Variants in VASP observed in about 807,000 individuals in gnomAD.
VASP encodes vasodilator stimulated phosphoprotein.
VASP carries 27 observed loss-of-function variants against 54.4 expected under a neutral mutation model. That is an observed-to-expected ratio of 0.50 (90% CI 0.37 to 0.68). The LOEUF (loss-of-function observed/expected upper bound fraction) is 0.68, where lower values mean the gene tolerates loss of function less well. VASP is among the 30% of genes least tolerant of loss of function. The pLI is 0.00. For missense variants in VASP, 488 were observed against 528.3 expected (o/e 0.92, Z 0.75); for synonymous variants, 233 against 209.8 (o/e 1.11, Z -0.96).
Position 45,522,515 on chromosome 19 carries a change from T to G in VASP, c.654T>G (p.Gly218=), listed in dbSNP as rs533078677. ...TCCCGGCAGCACAGGGCCCTGGTGG[T>G]GGGGGAGCTGGGGCCCCAGGCCTGG... The part of the protein sequence containing the change: ...PPLPAAQGPG[G]GGAGAPGLAA... The change falls in exon 6 of 13, where the codon GGT becomes GGG. Residue 218 remains glycine (G), a synonymous_variant. Transcript: ENST00000245932. The G allele has an allele frequency of 6.9e-7, 1 of 1,455,050 alleles. No individual in the cohort carries two copies. Among genetic ancestry groups the G allele is most frequent in the Non-Finnish European group, 9.0e-7 (1 of 1,108,572 alleles). 90.1% of individuals were successfully genotyped at this position (1,455,050 alleles called of 1,614,324 possible). A position where few individuals can be genotyped will look rare whatever the true frequency, so the allele number is the denominator to read the frequency against.
At position 45,521,419 on chromosome 19, in the gene VASP, C is replaced by A; in HGVS notation, c.428+13C>A. 2 of 1,540,820 alleles carry A rather than the reference C, an allele frequency of 1.3e-6. No homozygotes were observed. The highest frequency in any genetic ancestry group is 1.7e-6 in the Non-Finnish European group (2 of 1,142,966). ...AGCAGCAGAAAAGGTGGGGCTGGGC[C>A]CTGGGTGGGGAACCTTAGCCGCTGC... On this transcript the variant is annotated intron_variant, in intron 4 of 12. Coordinates refer to ENST00000245932, the MANE Select transcript of VASP (RefSeq NM_003370.4).
rs1298168963 is a variant in VASP, at chr19:45,522,540, G to T, written c.679G>T (p.Ala227Ser). 1 of 1,456,188 alleles carries T rather than the reference G, an allele frequency of 6.9e-7. No homozygotes were observed. Among genetic ancestry groups the T allele is most frequent in the South Asian group, 1.4e-5 (1 of 69,112 alleles). The allele number at this position is 1,456,188 out of a possible 1,614,324, so 90.2% of individuals were successfully genotyped here. The change falls in exon 6 of 13, where the codon GCC becomes TCC. Residue 227 changes from alanine to serine, a missense_variant. Physicochemically the swap from Ala to Ser is moderately conservative, Grantham distance 99. Around this residue, in one of 4 missense-constraint regions of VASP, gnomAD observed 226 missense variants for 196.0 expected, o/e 1.15. Transcript: ENST00000245932. ...TGGGGGAGCTGGGGCCCCAGGCCTG[G>T]CCGCAGCTATTGCTGGAGCCAAACT... ...GGGGAGAPGL[A>S]AAIAGAKLRK...
rs973602727 is a variant in VASP, at chr19:45,507,895, C to T, written c.5+119C>T. The stretch of plus-strand genomic sequence containing the variant: ...TTTGGGGACAGATCCTTGGGAGCCT[C>T]GGATTTGAGCTGAATCCCCTTGGAC... On this transcript the variant is annotated intron_variant, in intron 1 of 12. Transcript: ENST00000245932. This position sits in a 1 kb window ranked among gnomAD's most constrained non-coding sequence, Gnocchi z 4.4. 21 of 595,030 alleles carry T rather than the reference C, an allele frequency of 3.5e-5. No individual in the cohort carries two copies. Among genetic ancestry groups the T allele is most frequent in the Non-Finnish European group, 4.8e-5 (18 of 374,004 alleles). 36.9% of individuals were successfully genotyped at this position (595,030 alleles called of 1,614,324 possible). A position where few individuals can be genotyped will look rare whatever the true frequency, so the allele number is the denominator to read the frequency against.
Position 45,517,762 on chromosome 19 carries a change from C to T in VASP, c.105C>T (p.Arg35=), listed in dbSNP as rs750469222. 6.8e-6 allele frequency: 11 copies of T among 1,613,664 alleles called. No individual in the cohort carries two copies. The highest frequency in any genetic ancestry group is 1.6e-4 in the Middle Eastern group (1 of 6,084). The change falls in exon 2 of 13, where the codon CGC becomes CGT. Residue 35 remains arginine (R), a synonymous_variant. Transcript: ENST00000245932. ...GCACGGGTCCCCAGGCCTTCAGCCG[C>T]GTCCAGATCTACCACAACCCCACGG... The part of the protein sequence containing the change: ...PAGTGPQAFS[R]VQIYHNPTAN...
chr19:45,521,448 A>G, intron 4 of VASP, 42 bp downstream of exon 4: 1 of 1,469,046 alleles, frequency 6.8e-7, no homozygotes, highest in Non-Finnish European at 9.1e-7. Flanking sequence ...CCGCTGCCAG[A>G]GTTCCATATG....
rs558238361 is a variant in VASP, at chr19:45,507,521, G to A, written c.-251G>A. On this transcript the variant is annotated 5_prime_UTR_variant, in exon 1 of 13. Transcript: ENST00000245932. The surrounding 1 kb of genome is among the most constrained non-coding windows in gnomAD (Gnocchi z 4.4). ...ACTGTAGCCGCCACCGGCAAGGGGT[G>A]CGCGCTGGGGAGCGGACGCTGCATC... is the stretch of plus-strand genomic sequence containing the variant. 2.0e-5 allele frequency: 10 copies of A among 503,712 alleles called. No homozygotes were observed. Among genetic ancestry groups the A allele is most frequent in the Middle Eastern group, 1.0e-3 (2 of 1,936 alleles). The allele number at this position is 503,712 out of a possible 1,614,324, so 31.2% of individuals were successfully genotyped here.
rs764654302 is a variant in VASP, at chr19:45,523,710, C to T, written c.873+15C>T. On this transcript the variant is annotated intron_variant, in intron 8 of 12. Transcript: ENST00000245932. ...AATCTGCCAATGTAAGTCAGGGACT[C>T]TTCTTGCCCTACATCTCTTAGGCCG... 8.7e-6 allele frequency: 14 copies of T among 1,613,990 alleles called. No individual in the cohort carries two copies. The highest frequency in any genetic ancestry group is 5.0e-5 in the Admixed American group (3 of 59,986).
rs1471954242 is a variant in VASP at position 45,515,773 on chromosome 19, A to T, written c.6-1890A>T. On this transcript the variant is annotated intron_variant, in intron 1 of 12. Coordinates refer to ENST00000245932, the MANE Select transcript of VASP (RefSeq NM_003370.4). ...GGCTGGTCTCGAACACCTGAGCTCA[A>T]GCGATCCATTCACCTCAGCTTCCCA... Among the ~76,000 whole-genome samples the T allele has an allele frequency of 2.0e-5, 3 of 152,208 alleles. No individual in the cohort carries two copies. In the East Asian group the frequency reaches 5.8e-4, roughly 29 times the overall value.
At chr19:45,514,121 AC>A (rs1248778697) in intron 1 of VASP, among the ~76,000 whole-genome samples, 1 of 152,136 alleles carries the variant, frequency 6.6e-6, no homozygotes, top group African/African-American at 2.4e-5. Context: ...CTAAGGAGAG[AC>A]CTGAAAGTGG....
intron 8 of VASP, 38 bp downstream of exon 8, chr19:45,523,733 C>T (rs779339613): frequency 6.2e-7 from 1 of 1,613,902 alleles, no homozygotes; most frequent in Non-Finnish European, 8.5e-7. Flanking sequence ...ATCTCTTAGG[C>T]CGTACCATGA....
intron 10 of VASP, 147 bp from the exon 11 acceptor site, chr19:45,524,423 C>CCA: frequency 3.0e-6 from 2 of 658,790 alleles, no homozygotes; most frequent in South Asian, 3.8e-5. Flanking sequence ...AAACCAAAAC[C>CCA]AAAAAAAAAA....
At chr19:45,511,149 G>T (rs1968593652) in intron 1 of VASP, among the ~76,000 whole-genome samples, 1 of 152,078 alleles carries the variant, frequency 6.6e-6, no homozygotes, top group African/African-American at 2.4e-5. Context: ...GACAAAAGAA[G>T]ATTTGTCGTT....
chr19:45,521,294 C>A, intron 3 of VASP, 28 bp from the exon 4 acceptor site: 2 of 1,547,310 alleles, frequency 1.3e-6, no homozygotes, highest in Non-Finnish European at 1.8e-6. Context: ...TGGGACTGAT[C>A]CATGGCCCTT....
At chr19:45,510,407 G>C (rs1369664314) in intron 1 of VASP, among the ~76,000 whole-genome samples, 1 of 152,026 alleles carries the variant, frequency 6.6e-6, no homozygotes, top group Non-Finnish European at 1.5e-5. Flanking sequence ...TATATTTTTA[G>C]TAGAGATAGG....
chr19:45,513,151 C>T (rs1356312190), intron 1 of VASP, among the ~76,000 whole-genome samples: 1 of 152,142 alleles, frequency 6.6e-6, no homozygotes, highest in African/African-American at 2.4e-5. Context: ...AGTCATGCAG[C>T]AGGGAAATTG....
At position 45,517,982 on chromosome 19, in the gene VASP, C is replaced by T; in HGVS notation, c.231C>T (p.Pro77=). 2.5e-6 allele frequency: 4 copies of T among 1,614,042 alleles called. No individual in the cohort carries two copies. The highest frequency in any genetic ancestry group is 3.4e-6 in the Non-Finnish European group (4 of 1,179,978). The part of the protein sequence containing the change: ...VRGVKYNQAT[P]NFHQWRDARQ... ...GTGTCAAGTATAACCAGGCCACCCC[C>T]AACTTCCATCAGTGGCGCGACGCTC... is the stretch of plus-strand genomic sequence containing the variant. The change falls in exon 3 of 13, where the codon CCC becomes CCT. Residue 77 remains proline (P), a synonymous_variant. Coordinates refer to ENST00000245932, the MANE Select transcript of VASP (RefSeq NM_003370.4).
chr19:45,522,516 G>T lies in VASP; in HGVS notation c.655G>T (p.Gly219Trp), dbSNP rs1363951117. The change falls in exon 6 of 13, where the codon GGG (glycine) becomes TGG (tryptophan). Residue 219 changes from glycine (G) to tryptophan (W), a missense_variant. This residue lies in a region of VASP where 226 missense variants were observed against 196.0 expected (regional missense o/e 1.15). Transcript: ENST00000245932. ...PLPAAQGPGG[G>W]GAGAPGLAAA... Reference sequence around the variant, plus strand: ...CCCGGCAGCACAGGGCCCTGGTGGTGGGGGAGCTGGGGCCCCAGGCCTGGC... The same window carrying T: ...CCCGGCAGCACAGGGCCCTGGTGGTTGGGGAGCTGGGGCCCCAGGCCTGGC... The T allele has an allele frequency of 4.8e-6, 7 of 1,456,158 alleles. No individual in the cohort carries two copies. The highest frequency in any genetic ancestry group is 6.3e-6 in the Non-Finnish European group (7 of 1,109,148). The allele number at this position is 1,456,158 out of a possible 1,614,324, so 90.2% of individuals were successfully genotyped here.
rs1301725890 is a variant in VASP at position 45,522,555 on chromosome 19, G to A, written c.694G>A (p.Gly232Arg). Residue 232 changes from glycine (G) to arginine (R), a missense_variant, in exon 6 of 13, where the codon GGA (glycine) becomes AGA (arginine). By Grantham distance (125) the Gly-to-Arg change is moderately radical. Transcript: ENST00000245932. ...GAPGLAAAIA[G>R]AKLRKVSKQE... ...CCCAGGCCTGGCCGCAGCTATTGCT[G>A]GAGCCAAACTCAGGAAAGTCAGCAA... The A allele has an allele frequency of 1.4e-6, 2 of 1,460,196 alleles. No homozygotes were observed. Among genetic ancestry groups the A allele is most frequent in the Non-Finnish European group, 1.8e-6 (2 of 1,111,890 alleles). The allele number at this position is 1,460,196 out of a possible 1,614,324, so 90.5% of individuals were successfully genotyped here.
rs377658003 is a variant in VASP at position 45,521,383 on chromosome 19, G to T, written c.405G>T (p.Pro135=). 1 of 1,573,694 alleles carries T rather than the reference G, an allele frequency of 6.4e-7. No homozygotes were observed. Among genetic ancestry groups the T allele is most frequent in the Non-Finnish European group, 8.6e-7 (1 of 1,159,624 alleles). ...PTWSVPNGPS[P]EEVEQQKRQQ... ...GGTCGGTCCCGAACGGCCCCTCCCC[G>T]GAGGAGGTGGAGCAGCAGAAAAGGT... Residue 135 remains proline, a synonymous_variant, in exon 4 of 13, where the codon CCG becomes CCT. Transcript: ENST00000245932.
Sources: gnomAD v4.1 joint callset for allele counts (sites outside exome capture counted in the v4.1 genomes callset) on GRCh38, gnomAD v4.1.1 for gene constraint, gnomAD v4.1.1 regional missense constraint, Gnocchi (gnomAD v3.1) non-coding constraint, MANE v1.5 for transcripts, NCBI Gene and HGNC (gene_info 2026-07-23, HGNC 2026-07-21) for gene names.